GALNT18: variants seen among roughly 807,000 people sequenced by gnomAD.
The protein encoded by GALNT18 is polypeptide N-acetylgalactosaminyltransferase 18.
A neutral mutation model predicts 69.5 loss-of-function variants in GALNT18; 44 were observed. The observed-to-expected ratio is 0.63, with a 90% CI of 0.50 to 0.81. The LOEUF (loss-of-function observed/expected upper bound fraction) is 0.81, where lower values mean the gene tolerates loss of function less well. Ranked by LOEUF, GALNT18 falls within the 40% of genes least tolerant of loss-of-function variation. The pLI, the probability that GALNT18 is intolerant of heterozygous loss-of-function variation, is 0.00. For missense variants in GALNT18, 715 were observed against 810.0 expected, an observed-to-expected ratio of 0.88 and a Z score of 1.42; for synonymous variants, 364 against 318.2, an observed-to-expected ratio of 1.14 and a Z score of -1.53.
At chr11:11,549,720 T>G (rs1858146640) in intron 1 of GALNT18, among the ~76,000 whole-genome samples, 3 of 152,224 alleles carry the variant, frequency 2.0e-5, no homozygotes, top group Admixed American at 1.3e-4. Flanking sequence ...GTAACCTTCT[T>G]TGAACTGTTC....
At chr11:11,551,976 G>A (rs1208395509) in intron 1 of GALNT18, among the ~76,000 whole-genome samples, 1 of 152,218 alleles carries the variant, frequency 6.6e-6, no homozygotes, top group Non-Finnish European at 1.5e-5. Flanking sequence ...GGGTTGGGCA[G>A]AAACAAATCA....
intron 3 of GALNT18, among the ~76,000 whole-genome samples, chr11:11,431,493 C>T (rs1855263460): frequency 6.6e-6 from 1 of 152,156 alleles, no homozygotes; most frequent in South Asian, 2.1e-4. Flanking sequence ...TCCTCGATGC[C>T]TTTTCCTTTC....
intron 1 of GALNT18, among the ~76,000 whole-genome samples, chr11:11,513,092 G>T (rs978909863): frequency 4.6e-5 from 7 of 152,182 alleles, no homozygotes; most frequent in African/African-American, 9.7e-5. Flanking sequence ...TACATCTAGG[G>T]GAGAAAAGGG....
At chr11:11,273,660 A>C (rs1257428801) in intron 10 of GALNT18, among the ~76,000 whole-genome samples, 2 of 152,204 alleles carry the variant, frequency 1.3e-5, no homozygotes, top group East Asian at 3.9e-4. Context: ...TGAAAATAAA[A>C]CTACTGTATA....
rs547697287 is a variant in GALNT18 at position 11,465,167 on chromosome 11, G to A, written c.236-16231C>T. Among the ~76,000 whole-genome samples, 1 of 152,250 alleles carries A rather than the reference G, an allele frequency of 6.6e-6. No homozygotes were observed. The highest frequency in any genetic ancestry group is 1.9e-4 in the East Asian group (1 of 5,168). ...GAGGTGCCTTGGGATGCCTGAGGAA[G>A]GTCTGTTCCCAGATCCTCAGCCCCA... is the stretch of plus-strand genomic sequence containing the variant. On this transcript the variant is annotated intron_variant, in intron 1 of 10. Transcript: ENST00000227756. The surrounding 1 kb of genome is among the most constrained non-coding windows in gnomAD (Gnocchi z 5.7).
chr11:11,370,350 C>T (rs772708134), intron 6 of GALNT18, among the ~76,000 whole-genome samples: 5 of 152,136 alleles, frequency 3.3e-5, no homozygotes, highest in Non-Finnish European at 7.4e-5. Context: ...AAAGTTAACT[C>T]ATCAAACACG....
intron 9 of GALNT18, among the ~76,000 whole-genome samples, chr11:11,323,979 G>A (rs545165086): frequency 3.3e-5 from 5 of 152,254 alleles, no homozygotes; most frequent in African/African-American, 9.6e-5. Flanking sequence ...AGGTCACAGG[G>A]ATACAGCCCT....
At chr11:11,507,674 T>C (rs1164617597) in intron 1 of GALNT18, among the ~76,000 whole-genome samples, 2 of 152,256 alleles carry the variant, frequency 1.3e-5, no homozygotes, top group Non-Finnish European at 2.9e-5. Context: ...TGATGGTTAA[T>C]ATTTCATGTC....
chr11:11,283,318 T>C (rs764758656), intron 10 of GALNT18, among the ~76,000 whole-genome samples: 1 of 152,142 alleles, frequency 6.6e-6, no homozygotes, highest in Non-Finnish European at 1.5e-5. Context: ...GGCTAGTATT[T>C]GTATTTTTAG....
intron 1 of GALNT18, among the ~76,000 whole-genome samples, chr11:11,455,459 G>T (rs1406564359): frequency 6.6e-6 from 1 of 152,170 alleles, no homozygotes; most frequent in Non-Finnish European, 1.5e-5. Flanking sequence ...AAAGATGCTT[G>T]AATTGAAGAA....
At position 11,620,998 on chromosome 11, in the gene GALNT18, C is replaced by T. The variant is rs563734264; in HGVS notation, c.235+361G>A. Among the ~76,000 whole-genome samples, 1 of 152,146 alleles carries T rather than the reference C, an allele frequency of 6.6e-6. No individual in the cohort carries two copies. Among genetic ancestry groups the T allele is most frequent in the South Asian group, 2.1e-4 (1 of 4,802 alleles). ...TCCCTCTTGTACACACACAGACATTCACATGCACACACACTCTGAGCCGGA... is the reference window on the plus strand; with the variant it reads ...TCCCTCTTGTACACACACAGACATTTACATGCACACACACTCTGAGCCGGA... On this transcript the variant is annotated intron_variant, in intron 1 of 10. Transcript: ENST00000227756. The surrounding 1 kb of genome is among the most constrained non-coding windows in gnomAD (Gnocchi z 6.9).
intron 2 of GALNT18, among the ~76,000 whole-genome samples, chr11:11,438,831 T>C (rs1454136432): frequency 6.6e-6 from 1 of 150,656 alleles, no homozygotes. Context: ...CATGGACAAA[T>C]ACGATCAACA....
intron 9 of GALNT18, among the ~76,000 whole-genome samples, chr11:11,294,378 G>C (rs965631301): frequency 3.3e-5 from 5 of 152,272 alleles, no homozygotes; most frequent in Admixed American, 2.0e-4. Context: ...CTTCCAGAAG[G>C]AAAGTGGGTG....
At position 11,587,155 on chromosome 11, in the gene GALNT18, C is replaced by A. The variant is rs1859247893; in HGVS notation, c.235+34204G>T. On this transcript the variant is annotated intron_variant, in intron 1 of 10. Transcript: ENST00000227756. The surrounding 1 kb of genome is among the most constrained non-coding windows in gnomAD (Gnocchi z 4.4). ...GCCACAAAACAGTTACTGCCTGGCA[C>A]AGCAATTTGCTCTAGCACTATATGA... is the stretch of plus-strand genomic sequence containing the variant. Among the ~76,000 whole-genome samples, 1 of 152,228 alleles carries A rather than the reference C, an allele frequency of 6.6e-6. No homozygotes were observed. Among genetic ancestry groups the A allele is most frequent in the Non-Finnish European group, 1.5e-5 (1 of 68,036 alleles).
At chr11:11,371,560 C>T (rs1850905121) in intron 6 of GALNT18, among the ~76,000 whole-genome samples, 1 of 139,878 alleles carries the variant, frequency 7.1e-6, no homozygotes, top group African/African-American at 2.6e-5. Context: ...AGGGTTCTCT[C>T]CAAGCATCGG....
chr11:11,483,074 A>G (rs921421292), intron 1 of GALNT18, among the ~76,000 whole-genome samples: 1 of 152,264 alleles, frequency 6.6e-6, no homozygotes, highest in Non-Finnish European at 1.5e-5. Flanking sequence ...CCTTTAAACC[A>G]TAAGAAGCTA....
At position 11,271,163 on chromosome 11, in the gene GALNT18, A is replaced by G. The variant is rs774813662; in HGVS notation, c.1805T>C (p.Leu602Pro). The G allele has an allele frequency of 1.2e-6, 2 of 1,613,284 alleles. No individual in the cohort carries two copies. The highest frequency in any genetic ancestry group is 1.7e-5 in the Admixed American group (1 of 60,006). ...GGTGGGTCAGGACGCGAGGCTCCTC[A>G]GGACGTTGGTGATGCTCCAGTGCTG... Reference protein sequence around the residue: ...SGQHWSITNVLRSLAS With the variant: ...SGQHWSITNVPRSLAS The change falls in exon 11 of 11, where the codon CTG (leucine) becomes CCG (proline). Residue 602 changes from leucine to proline, a missense_variant. Leu to Pro is a moderately conservative substitution (Grantham distance 98, BLOSUM62 -3). Coordinates refer to ENST00000227756, the MANE Select transcript of GALNT18 (RefSeq NM_198516.3).
intron 1 of GALNT18, among the ~76,000 whole-genome samples, chr11:11,503,793 A>G (rs141751282): frequency 4.5e-4 from 68 of 152,290 alleles, no homozygotes; most frequent in Middle Eastern, 6.8e-3. Flanking sequence ...AAATGTACAT[A>G]CAGAAAAGTG....
intron 1 of GALNT18, among the ~76,000 whole-genome samples, chr11:11,608,535 T>A (rs937483262): frequency 8.1e-6 from 1 of 122,716 alleles, no homozygotes; most frequent in African/African-American, 2.7e-5. Flanking sequence ...AATTTTTGTA[T>A]TTTTTTTAGT....
Sources: allele counts gnomAD v4.1 joint callset (sites outside exome capture counted in the v4.1 genomes callset), GRCh38; gene constraint gnomAD v4.1.1; non-coding constraint Gnocchi (gnomAD v3.1); transcripts MANE v1.5; gene names NCBI Gene and HGNC (gene_info 2026-07-23, HGNC 2026-07-21).